The following GALNTL6 variants were observed in gnomAD, a reference collection of about 807,000 sequenced individuals.
GALNTL6 encodes the protein polypeptide N-acetylgalactosaminyltransferase like 6.
GALNTL6 carries 46 observed loss-of-function variants against 73.7 expected under a neutral mutation model. The observed-to-expected ratio is 0.62, with a 90% CI of 0.49 to 0.80. GALNTL6 has a LOEUF of 0.80. Among genes scored for constraint, GALNTL6 ranks in the 30% least tolerant of loss-of-function variants. GALNTL6 has a pLI of 0.00. For synonymous variants in GALNTL6, 259 were observed against 263.7 expected, an observed-to-expected ratio of 0.98 and a Z score of 0.17; for missense variants, 604 against 755.0, an observed-to-expected ratio of 0.80 and a Z score of 2.34.
chr4:171,953,645 A>T (rs1390223525), intron 2 of GALNTL6, among the ~76,000 whole-genome samples: 2 of 152,186 alleles, frequency 1.3e-5, no homozygotes, highest in Admixed American at 1.3e-4. Context: ...AATCTCCTAG[A>T]AATAGAATTT....
intron 2 of GALNTL6, among the ~76,000 whole-genome samples, chr4:171,933,998 C>T (rs2111001288): frequency 6.6e-6 from 1 of 152,268 alleles, no homozygotes. Context: ...TTAAAATTTA[C>T]ATTCCTGGAC....
intron 12 of GALNTL6, among the ~76,000 whole-genome samples, chr4:173,022,916 G>C (rs1753075200): frequency 6.6e-6 from 1 of 152,170 alleles, no homozygotes; most frequent in Admixed American, 6.5e-5. Context: ...TTTGGGGATA[G>C]AACTTGGCTG....
At chr4:172,444,132 A>C (rs1468719686) in intron 5 of GALNTL6, among the ~76,000 whole-genome samples, 1 of 152,222 alleles carries the variant, frequency 6.6e-6, no homozygotes, top group African/African-American at 2.4e-5. Context: ...TATAAACTGA[A>C]GGTTTTAAGA....
At chr4:172,683,891 G>A (rs1246456465) in intron 5 of GALNTL6, among the ~76,000 whole-genome samples, 2 of 152,178 alleles carry the variant, frequency 1.3e-5, no homozygotes, top group African/African-American at 2.4e-5. Flanking sequence ...CGTGTTAGCA[G>A]TTTCAACTGC....
chr4:172,832,961 T>C (rs1180998698), intron 7 of GALNTL6, among the ~76,000 whole-genome samples: 1 of 152,108 alleles, frequency 6.6e-6, no homozygotes, highest in African/African-American at 2.4e-5. Context: ...GGAAGACCTA[T>C]CTTGTGCAGG....
rs548193924 is a variant in GALNTL6 at position 172,470,999 on chromosome 4, G to A, written c.553+122310G>A. 1.8e-4 allele frequency among the ~76,000 whole-genome samples: 28 copies of A among 152,246 alleles called. No homozygotes were observed. In the East Asian group the frequency reaches 2.1e-3, roughly 12 times the overall value. ...TCAGATGGTCTGCACCAGTTTGTAC[G>A]TACCAGTTAATAAAATGAGAAAATG... On this transcript the variant is annotated intron_variant, in intron 5 of 12. Transcript: ENST00000506823.
chr4:172,074,437 T>C (rs1412120904), intron 2 of GALNTL6, among the ~76,000 whole-genome samples: 1 of 152,212 alleles, frequency 6.6e-6, no homozygotes, highest in Non-Finnish European at 1.5e-5. Context: ...TTCAGTGACA[T>C]CTCGTGTCAC....
rs569182749 is a variant in GALNTL6 at position 172,673,584 on chromosome 4, C to T, written c.554-135777C>T. ...TTGTCAGTGGGTTGTTAAAGTCTCCCACTATTATTGTGTGGGAGTCTAAGT... is the reference window on the plus strand; with the variant it reads ...TTGTCAGTGGGTTGTTAAAGTCTCCTACTATTATTGTGTGGGAGTCTAAGT... On this transcript the variant is annotated intron_variant, in intron 5 of 12. Transcript: ENST00000506823. 3.3e-5 allele frequency among the ~76,000 whole-genome samples: 5 copies of T among 152,226 alleles called. No homozygotes were observed. The South Asian group carries it at 6.2e-4, about 19-fold the overall frequency.
chr4:172,978,890 C>T (rs1450638657), intron 10 of GALNTL6, among the ~76,000 whole-genome samples: 1 of 152,154 alleles, frequency 6.6e-6, no homozygotes, highest in Admixed American at 6.5e-5. Context: ...ATTTCAGCTC[C>T]AACATTTACT....
At chr4:172,556,786 T>G (rs1437560171) in intron 5 of GALNTL6, among the ~76,000 whole-genome samples, 1 of 151,206 alleles carries the variant, frequency 6.6e-6, no homozygotes, top group Non-Finnish European at 1.5e-5. Flanking sequence ...AATTACTGAT[T>G]ACTAGACATA....
At chr4:172,405,437 A>T (rs1744196561) in intron 5 of GALNTL6, among the ~76,000 whole-genome samples, 1 of 2,830 alleles carries the variant, frequency 3.5e-4, no homozygotes, top group East Asian at 0.014. Context: ...ATATATATAT[A>T]TATATATTTT....
Position 172,348,510 on chromosome 4 carries a change from C to T in GALNTL6, c.387-13C>T, listed in dbSNP as rs746205130. Reference sequence around the variant, plus strand: ...TGTATTTGACACACCATTTTCTTTTCCCTCATCTCCAGCTGTAAGCATAAG... The same window carrying T: ...TGTATTTGACACACCATTTTCTTTTTCCTCATCTCCAGCTGTAAGCATAAG... On this transcript the variant is annotated splice_polypyrimidine_tract_variant and intron_variant, in intron 4 of 12. Transcript: ENST00000506823. 1.9e-6 allele frequency: 3 copies of T among 1,596,492 alleles called. No homozygotes were observed. Among genetic ancestry groups the T allele is most frequent in the African/African-American group, 1.3e-5 (1 of 74,390 alleles).
chr4:172,618,941 C>G lies in GALNTL6; in HGVS notation c.554-190420C>G, dbSNP rs58064214. Among the ~76,000 whole-genome samples the G allele has an allele frequency of 8.6e-3, 1,316 of 152,150 alleles. 18 individuals carry two copies. Among genetic ancestry groups the G allele is most frequent in the African/African-American group, 0.03 (1,230 of 41,490 alleles). On this transcript the variant is annotated intron_variant, in intron 5 of 12. Coordinates refer to ENST00000506823, the MANE Select transcript of GALNTL6 (RefSeq NM_001034845.3). ...GTTTCACCATGTTGGCCAGGATGGTCTGGATCTCCTGACCTCATGATCCGC... is the reference window on the plus strand; with the variant it reads ...GTTTCACCATGTTGGCCAGGATGGTGTGGATCTCCTGACCTCATGATCCGC...
At chr4:172,561,125 C>T (rs1323480373) in intron 5 of GALNTL6, among the ~76,000 whole-genome samples, 2 of 151,412 alleles carry the variant, frequency 1.3e-5, no homozygotes, top group East Asian at 1.9e-4. Flanking sequence ...CGGTGGCGGG[C>T]GCCTGTAGTC....
intron 2 of GALNTL6, among the ~76,000 whole-genome samples, chr4:172,196,006 G>GT (rs147919669): frequency 0.33 from 42,303 of 126,924 alleles, 6,966 homozygotes; most frequent in Non-Finnish European, 0.36. Context: ...CAGGAGCTGG[G>GT]TTTTTTTTTT....
At chr4:172,036,896 A>G (rs1057081165) in intron 2 of GALNTL6, among the ~76,000 whole-genome samples, 2 of 152,150 alleles carry the variant, frequency 1.3e-5, no homozygotes, top group African/African-American at 4.8e-5. Context: ...CAGCACTGAA[A>G]GTTACCCTAG....
chr4:172,561,769 A>G (rs765036547), intron 5 of GALNTL6, among the ~76,000 whole-genome samples: 12 of 152,104 alleles, frequency 7.9e-5, no homozygotes, highest in Non-Finnish European at 1.6e-4. Context: ...TTAAACCACA[A>G]TCTCTTGAGG....
chr4:172,767,389 T>C (rs6842382), intron 5 of GALNTL6, among the ~76,000 whole-genome samples: 79,734 of 151,952 alleles, frequency 0.52, 22,345 homozygotes, highest in African/African-American at 0.74. Context: ...ATAAAATCCA[T>C]GCCCACAACA....
chr4:172,504,159 C>CAAAAAACAAAAAAAAAAAAA (rs1554031143), intron 5 of GALNTL6, among the ~76,000 whole-genome samples: 1 of 5,142 alleles, frequency 1.9e-4, no homozygotes, highest in African/African-American at 5.5e-4. Context: ...GACTCTGTCT[C>CAAAAAACAAAAAAAAAAAAA]AAAAAAAAAA....
Sources: allele counts gnomAD v4.1 joint callset (sites outside exome capture counted in the v4.1 genomes callset), GRCh38; gene constraint gnomAD v4.1.1; transcripts MANE v1.5; gene names NCBI Gene and HGNC (gene_info 2026-07-23, HGNC 2026-07-21).